The following PLCE1 variants were observed in gnomAD, a reference collection of about 807,000 sequenced individuals.
PLCE1 encodes the protein 1-phosphatidylinositol 4,5-bisphosphate phosphodiesterase epsilon-1.
Under a neutral mutation model 242.8 loss-of-function variants are expected in PLCE1, and 119 were observed. The observed-to-expected ratio is 0.49, with a 90% CI of 0.42 to 0.57. The LOEUF (loss-of-function observed/expected upper bound fraction) is 0.57, where lower values mean the gene tolerates loss of function less well. Among genes scored for constraint, PLCE1 ranks in the 20% least tolerant of loss-of-function variants. The probability of loss-of-function intolerance (pLI) is 0.00; values close to 1 mark genes in which losing one functional copy is unlikely to be tolerated. For synonymous variants in PLCE1, 945 were observed against 1,017.4 expected (o/e 0.93, Z 1.35); for missense variants, 2,441 against 2,788.8 (o/e 0.88, Z 2.81).
At chr10:94,142,348 C>G (rs1257871596) in intron 3 of PLCE1, among the ~76,000 whole-genome samples, 2 of 63,224 alleles carry the variant, frequency 3.2e-5, no homozygotes, top group Non-Finnish European at 7.2e-5. Context: ...GTGATGCTGT[C>G]TCAAAAAAAA....
chr10:94,331,479 A>G lies in PLCE1; in HGVS notation c.*3536A>G, dbSNP rs1354269375. ...AATTAACTCTAAAACACAAAACTCC[A>G]CATCTATGCTCCCATGCTAGTAAAG... On this transcript the variant is annotated 3_prime_UTR_variant, in exon 33 of 33. Coordinates refer to ENST00000371380, the MANE Select transcript of PLCE1 (RefSeq NM_016341.4). 2.0e-5 allele frequency: 3 copies of G among 152,132 alleles called. No individual in the cohort carries two copies. The highest frequency in any genetic ancestry group is 2.9e-5 in the Non-Finnish European group (2 of 68,022). The allele number at this position is 152,132 out of a possible 1,614,324, so 9.4% of individuals were successfully genotyped here.
chr10:94,313,357 C>G lies in PLCE1; in HGVS notation c.6107C>G (p.Thr2036Ser), dbSNP rs370404700. The change falls in exon 28 of 33, where the codon ACC (threonine) becomes AGC (serine). Residue 2036 changes from threonine (T) to serine (S), a missense_variant. Physicochemically the swap from Thr to Ser is moderately conservative, Grantham distance 58. Coordinates refer to ENST00000371380, the MANE Select transcript of PLCE1 (RefSeq NM_016341.4). ...PFTVFTINGGTKAKQLLQQIL... is the reference protein window; with the variant it reads ...PFTVFTINGGSKAKQLLQQIL... ...ACCGTTTTCACTATTAATGGAGGCA[C>G]CAAGGCAAAGCAGCTTCTGCAGCAA... 5.6e-6 allele frequency: 9 copies of G among 1,613,998 alleles called. No homozygotes were observed. The African/African-American group carries it at 1.2e-4, about 22-fold the overall frequency.
chr10:94,006,873 AG>A (rs1427955158), intron 1 of PLCE1, among the ~76,000 whole-genome samples: 1 of 152,236 alleles, frequency 6.6e-6, no homozygotes, highest in Admixed American at 6.5e-5. Context: ...ACATCTAGTT[AG>A]TGGGTCAAAG....
chr10:94,278,623 C>T (rs1318368324), intron 19 of PLCE1, among the ~76,000 whole-genome samples: 4 of 152,108 alleles, frequency 2.6e-5, no homozygotes, highest in African/African-American at 9.7e-5. Flanking sequence ...GCATTTAAAA[C>T]ATCATTCTGA....
intron 4 of PLCE1, among the ~76,000 whole-genome samples, chr10:94,185,601 C>T (rs1374427485): frequency 6.6e-6 from 1 of 152,212 alleles, no homozygotes; most frequent in South Asian, 2.1e-4. Flanking sequence ...TCATATTTCT[C>T]ATCTATGAAG....
intron 4 of PLCE1, among the ~76,000 whole-genome samples, chr10:94,192,898 CA>C (rs200617481): frequency 0.21 from 32,174 of 151,902 alleles, 3,508 homozygotes; most frequent in African/African-American, 0.26. Flanking sequence ...CACCCGCTCT[CA>C]TCTGATCTTG....
intron 16 of PLCE1, among the ~76,000 whole-genome samples, chr10:94,267,590 C>A (rs1264796100): frequency 1.3e-5 from 2 of 152,186 alleles, no homozygotes; most frequent in African/African-American, 4.8e-5. Context: ...CTCTTCTAGC[C>A]ATATGTGGAT....
In PLCE1 at chr10:94,306,642, A is replaced by G. The variant is rs773544675; in HGVS notation, c.5838A>G (p.Ser1946=). The G allele has an allele frequency of 6.2e-7, 1 of 1,614,134 alleles. No homozygotes were observed. Among genetic ancestry groups the G allele is most frequent in the Non-Finnish European group, 8.5e-7 (1 of 1,179,964 alleles). The change falls in exon 26 of 33, where the codon TCA becomes TCG. Residue 1946 remains serine (S), a synonymous_variant. Transcript: ENST00000371380. This position sits in a 1 kb window ranked among gnomAD's most constrained non-coding sequence, Gnocchi z 5.7. Reference sequence around the variant, plus strand: ...TTGCAGTTGTGGAAAACAATAGTTCAGCGGTAACTGCTCAGAGAATCATTC... The same window carrying G: ...TTGCAGTTGTGGAAAACAATAGTTCGGCGGTAACTGCTCAGAGAATCATTC... ...LRFAVVENNS[S]AVTAQRIIPL...
intron 28 of PLCE1, among the ~76,000 whole-genome samples, 186 bp downstream of exon 28, chr10:94,313,568 C>G (rs6583935): frequency 6.6e-6 from 1 of 151,976 alleles, no homozygotes; most frequent in Non-Finnish European, 1.5e-5. Context: ...CCAAGAATCA[C>G]CTGATGGATC....
At chr10:94,187,664 T>G (rs1371981137) in intron 4 of PLCE1, among the ~76,000 whole-genome samples, 1 of 152,112 alleles carries the variant, frequency 6.6e-6, no homozygotes, top group Non-Finnish European at 1.5e-5. Flanking sequence ...GAATGAGGAC[T>G]CAGCCGCAGG....
chr10:94,004,954 A>G (rs982811092), intron 1 of PLCE1, among the ~76,000 whole-genome samples: 2 of 152,224 alleles, frequency 1.3e-5, no homozygotes, highest in Non-Finnish European at 2.9e-5. Context: ...AGAACAAAGC[A>G]TTATAAGTGA....
intron 4 of PLCE1, among the ~76,000 whole-genome samples, chr10:94,201,487 AT>A (rs1237360709): frequency 6.6e-6 from 1 of 152,080 alleles, no homozygotes; most frequent in African/African-American, 2.4e-5. Context: ...GAAGTTTTTA[AT>A]TTTTTTGAGC....
chr10:94,076,014 C>T (rs2044487360), intron 2 of PLCE1, among the ~76,000 whole-genome samples: 1 of 152,092 alleles, frequency 6.6e-6, no homozygotes, highest in South Asian at 2.1e-4. Flanking sequence ...GAAATGGCAC[C>T]TTGGAGAGGT....
intron 2 of PLCE1, among the ~76,000 whole-genome samples, chr10:94,127,515 T>G (rs2046469838): frequency 6.6e-6 from 1 of 152,198 alleles, no homozygotes; most frequent in Non-Finnish European, 1.5e-5. Flanking sequence ...AATGTACAGG[T>G]ATTTTTCAAG....
chr10:94,161,332 CA>C (rs1156277416), intron 3 of PLCE1, among the ~76,000 whole-genome samples: 1 of 152,154 alleles, frequency 6.6e-6, no homozygotes, highest in African/African-American at 2.4e-5. Flanking sequence ...TCTTTTATTT[CA>C]CTGAGCAGTG....
chr10:94,270,662 G>A, intron 18 of PLCE1, 60 bp downstream of exon 18: 9 of 1,044,624 alleles, frequency 8.6e-6, no homozygotes, highest in Non-Finnish European at 1.4e-5. Flanking sequence ...ATTGTCATTG[G>A]GTTGTTTTGT....
chr10:94,089,259 G>A (rs770219048), intron 2 of PLCE1: 1 of 1,614,042 alleles, frequency 6.2e-7, no homozygotes, highest in Admixed American at 1.7e-5. Flanking sequence ...GCTGTCAGCT[G>A]TGGCTTTGCA....
In PLCE1 at chr10:94,268,994, C is replaced by A; in HGVS notation, c.4347C>A (p.Ile1449=). The change falls in exon 17 of 33, where the codon ATC becomes ATA. Residue 1449 remains isoleucine, a synonymous_variant. Transcript: ENST00000371380. ...GGGACGGAGACGATGGGATGCCCAT[C>A]ATTTATCATGGACATACGCTGACAA... The part of the protein sequence containing the change: ...DCWDGDDGMP[I]IYHGHTLTTK... 6.3e-7 allele frequency: 1 copy of A among 1,588,390 alleles called. No homozygotes were observed. Among genetic ancestry groups the A allele is most frequent in the Non-Finnish European group, 8.6e-7 (1 of 1,162,754 alleles).
At chr10:94,239,019 CTCAGTTTTG>C (rs1341925709) in intron 7 of PLCE1, among the ~76,000 whole-genome samples, 13 of 152,126 alleles carry the variant, frequency 8.5e-5, no homozygotes, top group African/African-American at 3.1e-4. Context: ...CTTACTAAGC[CTCAGTTTTG>C]TCATCTGTAA....
Sources: allele counts gnomAD v4.1 joint callset (sites outside exome capture counted in the v4.1 genomes callset), GRCh38; gene constraint gnomAD v4.1.1; non-coding constraint Gnocchi (gnomAD v3.1); transcripts MANE v1.5; gene names NCBI Gene and HGNC (gene_info 2026-07-23, HGNC 2026-07-21).